The following VWC2L variants were observed in gnomAD, a reference collection of about 807,000 sequenced individuals.
VWC2L encodes the protein von Willebrand factor C domain containing 2 like, also known as von Willebrand factor C domain-containing protein 2-like.
A neutral mutation model predicts 21.6 loss-of-function variants in VWC2L; 10 were observed. That is an observed-to-expected ratio of 0.46 (90% CI 0.29 to 0.78). The LOEUF is 0.78. Ranked by LOEUF, VWC2L falls within the 30% of genes least tolerant of loss-of-function variation. The pLI is 0.10. For missense variants in VWC2L, 209 were observed against 277.1 expected (o/e 0.75, Z 1.74); for synonymous variants, 96 against 94.3 (o/e 1.02, Z -0.10).
chr2:214,507,172 CAT>C (rs1688979530), intron 3 of VWC2L, among the ~76,000 whole-genome samples: 1 of 152,062 alleles, frequency 6.6e-6, no homozygotes, highest in Admixed American at 6.6e-5. Flanking sequence ...GAATATTTAA[CAT>C]GTGTATCTAA....
chr2:214,571,128 T>C (rs904704363), intron 3 of VWC2L, among the ~76,000 whole-genome samples: 8 of 152,232 alleles, frequency 5.3e-5, no homozygotes. Context: ...ATCAAATTTC[T>C]TGCCTCAGTA....
intron 3 of VWC2L, among the ~76,000 whole-genome samples, chr2:214,511,525 T>G (rs1689052819): frequency 6.6e-6 from 1 of 152,158 alleles, no homozygotes; most frequent in Non-Finnish European, 1.5e-5. Context: ...ATTTACTCTC[T>G]GCCGTGTGAA....
At chr2:214,536,988 A>ACACACACACACACACACG (rs1279227630) in intron 3 of VWC2L, 4 of 151,602 alleles carry the variant, frequency 2.6e-5, no homozygotes, top group African/African-American at 4.9e-5. Flanking sequence ...ACACACACAC[A>ACACACACACACACACACG]CACACACACA....
chr2:214,574,276 C>A (rs1690195858), intron 3 of VWC2L, among the ~76,000 whole-genome samples: 2 of 152,118 alleles, frequency 1.3e-5, no homozygotes. Context: ...TGAGCACATG[C>A]CAAGTGTTTG....
At chr2:214,467,050 C>T (rs964914960) in intron 3 of VWC2L, among the ~76,000 whole-genome samples, 17 of 152,142 alleles carry the variant, frequency 1.1e-4, no homozygotes, top group African/African-American at 3.1e-4. Flanking sequence ...GACAAAGTTA[C>T]GTGGAAATAC....
intron 3 of VWC2L, among the ~76,000 whole-genome samples, chr2:214,561,245 C>T (rs1380174712): frequency 1.3e-5 from 2 of 152,156 alleles, no homozygotes; most frequent in Non-Finnish European, 2.9e-5. Flanking sequence ...TGATCAAGCA[C>T]CCACCCTTTG....
At chr2:214,535,996 C>A (rs1432803042) in intron 3 of VWC2L, among the ~76,000 whole-genome samples, 1 of 152,016 alleles carries the variant, frequency 6.6e-6, no homozygotes, top group East Asian at 1.9e-4. Context: ...TTTAAATTTC[C>A]TTCCACATCT....
intron 3 of VWC2L, chr2:214,525,062 C>G (rs1689308752): frequency 8.7e-6 from 1 of 115,024 alleles, no homozygotes; most frequent in African/African-American, 2.9e-5. Flanking sequence ...CACACACACA[C>G]ACACACACAC....
Position 214,575,881 on chromosome 2 carries a change from A to C in VWC2L, c.*61A>C. On this transcript the variant is annotated 3_prime_UTR_variant, in exon 4 of 4. Coordinates refer to ENST00000312504, the MANE Select transcript of VWC2L (RefSeq NM_001080500.4). Reference sequence around the variant, plus strand: ...GGATGCTATGGCTTCAACACTGCACATGTTTAACACAAAACAAAACAAACA... The same window carrying C: ...GGATGCTATGGCTTCAACACTGCACCTGTTTAACACAAAACAAAACAAACA... The C allele has an allele frequency of 6.4e-7, 1 of 1,553,376 alleles. No homozygotes were observed. The highest frequency in any genetic ancestry group is 1.2e-5 in the South Asian group (1 of 84,236).
chr2:214,506,044 G>A (rs1324364360), intron 3 of VWC2L, among the ~76,000 whole-genome samples: 5 of 152,114 alleles, frequency 3.3e-5, no homozygotes, highest in Admixed American at 1.3e-4. Flanking sequence ...AATGTTATAC[G>A]TATGATTAAT....
At chr2:214,470,656 C>A (rs1450326881) in intron 3 of VWC2L, among the ~76,000 whole-genome samples, 1 of 151,998 alleles carries the variant, frequency 6.6e-6, no homozygotes, top group Non-Finnish European at 1.5e-5. Context: ...CACCTGTAAT[C>A]CCAGCACTTT....
intron 3 of VWC2L, among the ~76,000 whole-genome samples, chr2:214,528,234 G>C (rs952710739): frequency 3.3e-5 from 5 of 152,130 alleles, no homozygotes; most frequent in Non-Finnish European, 5.9e-5. Flanking sequence ...AATAGCCTTA[G>C]AACTAGCTGG....
At chr2:214,503,321 T>C (rs1471751730) in intron 3 of VWC2L, among the ~76,000 whole-genome samples, 2 of 152,116 alleles carry the variant, frequency 1.3e-5, no homozygotes, top group Non-Finnish European at 2.9e-5. Context: ...CCCAAAATAC[T>C]TTCAGAGGCC....
chr2:214,515,493 G>A (rs1427469013), intron 3 of VWC2L, among the ~76,000 whole-genome samples: 1 of 152,136 alleles, frequency 6.6e-6, no homozygotes, highest in East Asian at 1.9e-4. Context: ...CCCAATCAGG[G>A]TCCAAAGAAA....
intron 3 of VWC2L, among the ~76,000 whole-genome samples, chr2:214,568,199 C>T (rs1049118577): frequency 3.3e-5 from 5 of 152,130 alleles, no homozygotes; most frequent in Admixed American, 6.6e-5. Flanking sequence ...TGAATATGTT[C>T]TATAAACATT....
Position 214,577,307 on chromosome 2 carries a change from C to G in VWC2L, c.*1487C>G, listed in dbSNP as rs1488830565. Reference sequence around the variant, plus strand: ...ATATTCTAGAGCAAGGTGTCTCAATCTTAGTAGGATTGACATTTGGGGCCA... The same window carrying G: ...ATATTCTAGAGCAAGGTGTCTCAATGTTAGTAGGATTGACATTTGGGGCCA... On this transcript the variant is annotated 3_prime_UTR_variant, in exon 4 of 4. Coordinates refer to ENST00000312504, the MANE Select transcript of VWC2L (RefSeq NM_001080500.4). The G allele has an allele frequency of 6.6e-6, 1 of 152,198 alleles. No individual in the cohort carries two copies. Among genetic ancestry groups the G allele is most frequent in the Non-Finnish European group, 1.5e-5 (1 of 68,072 alleles). The allele number at this position is 152,198 out of a possible 1,614,324, so 9.4% of individuals were successfully genotyped here.
At chr2:214,480,904 G>C (rs1688595795) in intron 3 of VWC2L, among the ~76,000 whole-genome samples, 2 of 136,600 alleles carry the variant, frequency 1.5e-5, no homozygotes, top group South Asian at 4.8e-4. Context: ...ATGTATTTCT[G>C]ATGAAGAAAG....
chr2:214,473,195 C>T (rs1471621597), intron 3 of VWC2L, among the ~76,000 whole-genome samples: 1 of 152,128 alleles, frequency 6.6e-6, no homozygotes, highest in East Asian at 1.9e-4. Flanking sequence ...CAATCACATC[C>T]TAATGAATAA....
At chr2:214,522,901 T>A (rs1302267411) in intron 3 of VWC2L, among the ~76,000 whole-genome samples, 1 of 152,190 alleles carries the variant, frequency 6.6e-6, no homozygotes, top group Non-Finnish European at 1.5e-5. Context: ...AAATAAAGAA[T>A]ATTTGTATGA....
Sources: gnomAD v4.1 joint callset for allele counts (sites outside exome capture counted in the v4.1 genomes callset) on GRCh38, gnomAD v4.1.1 for gene constraint, MANE v1.5 for transcripts, NCBI Gene and HGNC (gene_info 2026-07-23, HGNC 2026-07-21) for gene names.